Variants in HSD17B4 observed in about 807,000 individuals in gnomAD.
The protein encoded by HSD17B4 is hydroxysteroid 17-beta dehydrogenase 4.
In HSD17B4, 70 loss-of-function variants were observed where a neutral mutation model predicts 101.0. The observed-to-expected ratio is 0.69, with a 90% CI of 0.57 to 0.85. The LOEUF (loss-of-function observed/expected upper bound fraction) is 0.85. Among genes scored for constraint, HSD17B4 ranks in the 40% least tolerant of loss-of-function variants. The pLI is 0.00. For missense variants in HSD17B4, 984 were observed against 892.4 expected (o/e 1.10, Z -1.31); for synonymous variants, 347 against 297.1 (o/e 1.17, Z -1.73).
intron 12 of HSD17B4, among the ~76,000 whole-genome samples, chr5:119,498,388 T>G (rs1171387365): frequency 2.0e-5 from 3 of 152,222 alleles, no homozygotes; most frequent in Admixed American, 6.5e-5. Flanking sequence ...AATCAACCTG[T>G]ATAAACCATT....
At chr5:119,528,429 C>G (rs952486110) in intron 20 of HSD17B4, among the ~76,000 whole-genome samples, 2 of 152,122 alleles carry the variant, frequency 1.3e-5, no homozygotes, top group African/African-American at 4.8e-5. Context: ...CAAATTCCTC[C>G]TGTCCTTCAG....
At chr5:119,489,397 A>G in intron 9 of HSD17B4, 114 bp downstream of exon 9, 1 of 744,620 alleles carries the variant, frequency 1.3e-6, no homozygotes. Flanking sequence ...CTATGTTATA[A>G]TTAAAAGTGT....
chr5:119,466,671 G>A (rs1755841500), intron 2 of HSD17B4, among the ~76,000 whole-genome samples: 1 of 151,578 alleles, frequency 6.6e-6, no homozygotes, highest in South Asian at 2.1e-4. Context: ...TTTTATTTGT[G>A]TTTTCTCTTT....
At chr5:119,489,705 T>C (rs1490713473) in intron 9 of HSD17B4, among the ~76,000 whole-genome samples, 1 of 152,204 alleles carries the variant, frequency 6.6e-6, no homozygotes, top group African/African-American at 2.4e-5. Context: ...TTTTAAACCC[T>C]TGGCATAAGG....
At chr5:119,502,743 C>A (rs1303956784) in intron 14 of HSD17B4, among the ~76,000 whole-genome samples, 1 of 152,042 alleles carries the variant, frequency 6.6e-6, no homozygotes, top group Non-Finnish European at 1.5e-5. Context: ...TAGAGGTCGG[C>A]AAGTAGCTAG....
intron 2 of HSD17B4, among the ~76,000 whole-genome samples, chr5:119,460,028 G>A (rs1755064007): frequency 6.6e-6 from 1 of 151,826 alleles, no homozygotes; most frequent in Non-Finnish European, 1.5e-5. Flanking sequence ...CTGCCACCGT[G>A]CCCAGCTAAT....
At chr5:119,522,320 T>A (rs1753191351) in intron 17 of HSD17B4, among the ~76,000 whole-genome samples, 1 of 152,366 alleles carries the variant, frequency 6.6e-6, no homozygotes, top group East Asian at 1.9e-4. Context: ...TACATTTTTT[T>A]AATCCAGTCT....
intron 8 of HSD17B4, among the ~76,000 whole-genome samples, chr5:119,483,629 C>G (rs1026063953): frequency 6.6e-6 from 1 of 151,956 alleles, no homozygotes; most frequent in African/African-American, 2.4e-5. Flanking sequence ...AAAGGAAAGA[C>G]TTTTTTGTGT....
chr5:119,478,921 T>C lies in HSD17B4; in HGVS notation c.522T>C (p.Leu174=). The C allele has an allele frequency of 6.2e-7, 1 of 1,613,718 alleles. No homozygotes were observed. Among genetic ancestry groups the C allele is most frequent in the Non-Finnish European group, 8.5e-7 (1 of 1,179,690 alleles). The change falls in exon 8 of 24, where the codon CTT becomes CTC. Residue 174 remains leucine (L), a synonymous_variant. Transcript: ENST00000510025. ...CTGCAAAGTTGGGTCTTCTGGGCCTTGCAAATTCTCTTGCAATTGAAGGCA... is the reference window on the plus strand; with the variant it reads ...CTGCAAAGTTGGGTCTTCTGGGCCTCGCAAATTCTCTTGCAATTGAAGGCA... The part of the protein sequence containing the change: ...YSAAKLGLLG[L]ANSLAIEGRK...
chr5:119,471,620 T>A (rs543211815), intron 2 of HSD17B4: 1 of 1,206,912 alleles, frequency 8.3e-7, no homozygotes, highest in South Asian at 1.8e-5. Context: ...AATTAGTAAC[T>A]TTTTTATTGT....
chr5:119,463,057 C>A (rs549370129), intron 2 of HSD17B4, among the ~76,000 whole-genome samples: 5 of 152,316 alleles, frequency 3.3e-5, no homozygotes, highest in African/African-American at 1.2e-4. Flanking sequence ...CTCTGTACTT[C>A]TGTGAGATCA....
At position 119,493,884 on chromosome 5, in the gene HSD17B4, T is replaced by C; in HGVS notation, c.806T>C (p.Val269Ala). ...AATCACCCAATGACTCCTGAGGCAG[T>C]CAAGGCTAACTGGAAGAAGATCTGT... ...QKNHPMTPEA[V>A]KANWKKICDF... The change falls in exon 11 of 24, where the codon GTC (valine) becomes GCC (alanine). Residue 269 changes from valine (V) to alanine (A), a missense_variant. Val to Ala is a moderately conservative substitution (Grantham distance 64). Coordinates refer to ENST00000510025, the MANE Select transcript of HSD17B4 (RefSeq NM_000414.4). The C allele has an allele frequency of 6.2e-7, 1 of 1,613,332 alleles. No individual in the cohort carries two copies. Among genetic ancestry groups the C allele is most frequent in the African/African-American group, 1.3e-5 (1 of 75,002 alleles).
intron 2 of HSD17B4, 160 bp downstream of exon 2, chr5:119,456,528 C>A (rs1754687070): frequency 1.6e-6 from 1 of 630,944 alleles, no homozygotes; most frequent in Non-Finnish European, 2.8e-6. Flanking sequence ...GGCTGTCTGT[C>A]TAAATTACTT....
At position 119,542,326 on chromosome 5, in the gene HSD17B4, T is replaced by C. The variant is rs1755064930; in HGVS notation, c.*332T>C. 1 of 196,554 alleles carries C rather than the reference T, an allele frequency of 5.1e-6. No individual in the cohort carries two copies. The highest frequency in any genetic ancestry group is 5.5e-5 in the Admixed American group (1 of 18,050). 12.2% of individuals were successfully genotyped at this position (196,554 alleles called of 1,614,324 possible). ...AAATTAAATCAATAAAGGCCTTTGA[T>C]ACCTTTGTTTTTTTGTGATTTTCTG... On this transcript the variant is annotated 3_prime_UTR_variant, in exon 24 of 24. Coordinates refer to ENST00000510025, the MANE Select transcript of HSD17B4 (RefSeq NM_000414.4).
chr5:119,452,848 C>G, intron 1 of HSD17B4: 1 of 1,535,570 alleles, frequency 6.5e-7, no homozygotes, highest in Non-Finnish European at 8.7e-7. Flanking sequence ...CCCAGCACCC[C>G]GGTGTGGGCT....
Position 119,513,050 on chromosome 5 carries a change from G to A in HSD17B4, c.1438-1931G>A, listed in dbSNP as rs578147755. On this transcript the variant is annotated intron_variant, in intron 16 of 23. Coordinates refer to ENST00000510025, the MANE Select transcript of HSD17B4 (RefSeq NM_000414.4). ...TATATGAAAACAATGTCCTGGGCCCGCATTTAAAAAAAAGTTGTCCTCACT... is the reference window on the plus strand; with the variant it reads ...TATATGAAAACAATGTCCTGGGCCCACATTTAAAAAAAAGTTGTCCTCACT... Among the ~76,000 whole-genome samples, 9 of 152,114 alleles carry A rather than the reference G, an allele frequency of 5.9e-5. No individual in the cohort carries two copies. In the East Asian group the frequency reaches 1.4e-3, roughly 23 times the overall value.
intron 17 of HSD17B4, among the ~76,000 whole-genome samples, chr5:119,523,619 T>G (rs546414891): frequency 1.3e-5 from 2 of 151,968 alleles, no homozygotes; most frequent in Non-Finnish European, 2.9e-5. Context: ...TATTTCATAT[T>G]AATACGATTT....
rs967006259 is a variant in HSD17B4, at chr5:119,492,131, C to A, written c.739+7C>A. 1 of 1,602,978 alleles carries A rather than the reference C, an allele frequency of 6.2e-7. No homozygotes were observed. The highest frequency in any genetic ancestry group is 8.5e-7 in the Non-Finnish European group (1 of 1,170,196). On this transcript the variant is annotated splice_region_variant and intron_variant, in intron 10 of 23. Coordinates refer to ENST00000510025, the MANE Select transcript of HSD17B4 (RefSeq NM_000414.4). ...GCAGGATGGATTGGAAAATGTAAGTCTCTCTCAGTTTTTGGTTTGTATAGA... is the reference window on the plus strand; with the variant it reads ...GCAGGATGGATTGGAAAATGTAAGTATCTCTCAGTTTTTGGTTTGTATAGA...
At chr5:119,460,718 A>T (rs1755143280) in intron 2 of HSD17B4, among the ~76,000 whole-genome samples, 1 of 152,208 alleles carries the variant, frequency 6.6e-6, no homozygotes, top group Non-Finnish European at 1.5e-5. Flanking sequence ...CCCTACTTTC[A>T]TGGTGCATAT....
Sources: allele counts gnomAD v4.1 joint callset (sites outside exome capture counted in the v4.1 genomes callset), GRCh38; gene constraint gnomAD v4.1.1; transcripts MANE v1.5; gene names NCBI Gene and HGNC (gene_info 2026-07-23, HGNC 2026-07-21).